CTBP1: variants seen among roughly 807,000 people sequenced by gnomAD.
The protein encoded by CTBP1 is C-terminal-binding protein 1.
In CTBP1, 11 loss-of-function variants were observed where a neutral mutation model predicts 42.1. The ratio of observed to expected loss-of-function variants is 0.26; its 90% CI spans 0.16 to 0.43. The LOEUF is 0.43. CTBP1 is among the 20% of genes least tolerant of loss of function. The pLI is 1.00. For synonymous variants in CTBP1, 324 were observed against 277.1 expected (o/e 1.17, Z -1.68); for missense variants, 399 against 624.3 (o/e 0.64, Z 3.85).
intron 5 of CTBP1, 103 bp downstream of exon 5, chr4:1,225,257 C>G: frequency 1.5e-6 from 2 of 1,357,812 alleles, no homozygotes; most frequent in South Asian, 2.8e-5. Flanking sequence ...CCGACACCTG[C>G]AGCAGCCCCA....
intron 7 of CTBP1, chr4:1,213,984 T>G (rs1199732417): frequency 5.0e-6 from 2 of 398,306 alleles, no homozygotes; most frequent in East Asian, 9.6e-5. Flanking sequence ...CAGGGCTGCC[T>G]GGGGTCCCAA....
At chr4:1,230,859 C>T (rs2108764492) in intron 3 of CTBP1, among the ~76,000 whole-genome samples, 1 of 152,376 alleles carries the variant, frequency 6.6e-6, no homozygotes, top group African/African-American at 2.4e-5. Flanking sequence ...GAAGCCGAAG[C>T]GTGCGCCGGC....
intron 6 of CTBP1, 133 bp from the exon 7 acceptor site, chr4:1,214,606 AC>A: frequency 8.5e-7 from 1 of 1,182,814 alleles, no homozygotes; most frequent in Non-Finnish European, 1.1e-6. Flanking sequence ...CCCTGGGCTC[AC>A]CACGGCGCTA....
chr4:1,215,683 G>A (rs1302723748), intron 6 of CTBP1: 8 of 424,880 alleles, frequency 1.9e-5, no homozygotes, highest in South Asian at 7.8e-5. Context: ...CCGACCCAAC[G>A]CCCCCAGGTA....
At chr4:1,239,717 G>C (rs1251991788) in intron 2 of CTBP1, among the ~76,000 whole-genome samples, 1 of 152,246 alleles carries the variant, frequency 6.6e-6, no homozygotes, top group African/African-American at 2.4e-5. Context: ...CAGTACGGCT[G>C]GGCCCATGCC....
chr4:1,248,158 C>G (rs909320176), intron 1 of CTBP1, among the ~76,000 whole-genome samples: 1 of 152,022 alleles, frequency 6.6e-6, no homozygotes, highest in South Asian at 2.1e-4. Flanking sequence ...GGCGCCCGCC[C>G]GTGCTCCCTG....
At chr4:1,230,238 G>C (rs1449905186) in intron 3 of CTBP1, among the ~76,000 whole-genome samples, 2 of 152,172 alleles carry the variant, frequency 1.3e-5, no homozygotes, top group African/African-American at 4.8e-5. Flanking sequence ...CACAAGGACA[G>C]CATGGGCAGG....
At chr4:1,213,439 A>T in intron 8 of CTBP1, 39 bp downstream of exon 8, 1 of 1,602,062 alleles carries the variant, frequency 6.2e-7, no homozygotes, top group Non-Finnish European at 8.5e-7. Context: ...GCTGGCAGGA[A>T]GGGACCCCCA....
intron 5 of CTBP1, 140 bp downstream of exon 5, chr4:1,225,220 C>T (rs994241859): frequency 3.7e-5 from 37 of 991,030 alleles, no homozygotes; most frequent in Middle Eastern, 3.3e-4. Flanking sequence ...GGTGCCTGTG[C>T]GCACTCAGTC....
chr4:1,225,912 G>A (rs747658106), intron 4 of CTBP1, among the ~76,000 whole-genome samples: 13 of 151,958 alleles, frequency 8.6e-5, no homozygotes, highest in Admixed American at 2.6e-4. Context: ...GCGTCACCTC[G>A]CCACCCCGAT....
At chr4:1,213,726 C>T in intron 7 of CTBP1, 121 bp from the exon 8 acceptor site, 3 of 1,346,568 alleles carry the variant, frequency 2.2e-6, no homozygotes, top group East Asian at 5.1e-5. Context: ...GACCCCACGG[C>T]CCTGCTCTGC....
intron 9 of CTBP1, 90 bp downstream of exon 9, chr4:1,212,823 A>G: frequency 9.1e-7 from 1 of 1,104,320 alleles, no homozygotes; most frequent in Non-Finnish European, 1.4e-6. Flanking sequence ...GTCAGTGGAG[A>G]CGCCGCCCCT....
In CTBP1 at chr4:1,248,953, C is replaced by A; in HGVS notation, c.-226G>T. 1 of 1,006,082 alleles carries A rather than the reference C, an allele frequency of 9.9e-7. No individual in the cohort carries two copies. Among genetic ancestry groups the A allele is most frequent in the South Asian group, 3.3e-5 (1 of 30,586 alleles). 62.3% of individuals were successfully genotyped at this position (1,006,082 alleles called of 1,614,324 possible). On this transcript the variant is annotated 5_prime_UTR_variant, in exon 1 of 10. An upstream start codon of the reference 5' UTR is lost. Coordinates refer to ENST00000382952, the MANE Select transcript of CTBP1 (RefSeq NM_001012614.2). ...CCTTGTTGAGCAAGTGCGAGCTGCC[C>A]ATCGAGAGGCGCGAGCGGCCGCGGG... is the stretch of plus-strand genomic sequence containing the variant.
intron 2 of CTBP1, among the ~76,000 whole-genome samples, chr4:1,240,145 G>A (rs997297257): frequency 6.6e-6 from 1 of 151,342 alleles, no homozygotes; most frequent in East Asian, 1.9e-4. Flanking sequence ...CTGGGTGCTG[G>A]GTGAGTGGGA....
At chr4:1,221,909 G>A (rs1729780313) in intron 5 of CTBP1, 4 of 385,176 alleles carry the variant, frequency 1.0e-5, no homozygotes, top group South Asian at 5.6e-5. Context: ...ACAAGAAGGA[G>A]ATGTAAGTCA....
At chr4:1,248,079 G>C (rs573907933) in intron 1 of CTBP1, among the ~76,000 whole-genome samples, 1 of 152,206 alleles carries the variant, frequency 6.6e-6, no homozygotes, top group African/African-American at 2.4e-5. Flanking sequence ...GAGGGAAAGA[G>C]AGGCTCCGCG....
Position 1,241,210 on chromosome 4 carries a change from C to G in CTBP1, c.7+115G>C. On this transcript the variant is annotated intron_variant, in intron 2 of 9. Transcript: ENST00000382952. ...GGGGTCAGGTGGCAGCAGTCCGGCC[C>G]GACGCCCATGCAGCCCAGGTCCCTC... 3.9e-6 allele frequency: 3 copies of G among 770,980 alleles called. No homozygotes were observed. In the East Asian group the frequency reaches 7.3e-5, roughly 19 times the overall value. The allele number at this position is 770,980 out of a possible 1,614,324, so 47.8% of individuals were successfully genotyped here.
chr4:1,232,619 G>A (rs1276737008), intron 3 of CTBP1, among the ~76,000 whole-genome samples: 3 of 152,204 alleles, frequency 2.0e-5, no homozygotes, highest in Non-Finnish European at 4.4e-5. Context: ...ACCTTGCAAT[G>A]CTGTTACTTC....
At chr4:1,242,798 A>G in intron 1 of CTBP1, 1 of 985,412 alleles carries the variant, frequency 1.0e-6, no homozygotes, top group Non-Finnish European at 1.2e-6. Context: ...ATACCACATA[A>G]AAACAAACTA....
Sources: allele counts gnomAD v4.1 joint callset (sites outside exome capture counted in the v4.1 genomes callset), GRCh38; gene constraint gnomAD v4.1.1; transcripts MANE v1.5; gene names NCBI Gene and HGNC (gene_info 2026-07-23, HGNC 2026-07-21).